GNPTAB: variants seen among roughly 807,000 people sequenced by gnomAD.
The protein encoded by GNPTAB is N-acetylglucosamine-1-phosphate transferase subunits alpha and beta, also known as N-acetylglucosamine-1-phosphotransferase subunits alpha/beta.
GNPTAB carries 92 observed loss-of-function variants against 136.6 expected under a neutral mutation model. The observed-to-expected ratio is 0.67, with a 90% CI of 0.57 to 0.80. The LOEUF (loss-of-function observed/expected upper bound fraction) is 0.80, where lower values mean the gene tolerates loss of function less well. GNPTAB is among the 30% of genes least tolerant of loss of function. The pLI, the probability that GNPTAB is intolerant of heterozygous loss-of-function variation, is 0.00. For synonymous variants in GNPTAB, 512 were observed against 535.1 expected, an observed-to-expected ratio of 0.96 and a Z score of 0.60; for missense variants, 1,343 against 1,501.8, an observed-to-expected ratio of 0.89 and a Z score of 1.75.
intron 1 of GNPTAB, among the ~76,000 whole-genome samples, chr12:101,826,950 G>GTTTTTTTTT (rs902178707): frequency 1.6e-5 from 1 of 62,348 alleles, no homozygotes; most frequent in African/African-American, 7.0e-5. Context: ...TGTGGGAGTT[G>GTTTTTTTTT]TTTTTTTTTT....
rs970320223 is a variant in GNPTAB at position 101,830,416 on chromosome 12, G to A, written c.117+143C>T. 18 of 634,848 alleles carry A rather than the reference G, an allele frequency of 2.8e-5. No individual in the cohort carries two copies. The Admixed American group carries it at 3.5e-4, about 12-fold the overall frequency. 39.3% of individuals were successfully genotyped at this position (634,848 alleles called of 1,614,324 possible). A position where few individuals can be genotyped will look rare whatever the true frequency, so the allele number is the denominator to read the frequency against. On this transcript the variant is annotated intron_variant, in intron 1 of 20. Transcript: ENST00000299314. ...GAGACAGGGCGATCGCCTGAGCTCA[G>A]GAGTTCGAGACCAGCCTGGGCAACA...
intron 10 of GNPTAB, 94 bp downstream of exon 10, chr12:101,769,927 G>T: frequency 1.6e-6 from 2 of 1,221,116 alleles, no homozygotes; most frequent in Non-Finnish European, 2.4e-6. Flanking sequence ...CACCATGTCT[G>T]GCCTGATATT....
chr12:101,783,479 G>A (rs533258913), intron 5 of GNPTAB, among the ~76,000 whole-genome samples: 64 of 152,216 alleles, frequency 4.2e-4, no homozygotes, highest in Non-Finnish European at 6.5e-4. Context: ...AGCAGTTTGT[G>A]GTTCCTTTTA....
At chr12:101,819,075 G>A (rs556309063) in intron 1 of GNPTAB, among the ~76,000 whole-genome samples, 15 of 151,428 alleles carry the variant, frequency 9.9e-5, no homozygotes, top group South Asian at 4.2e-4. Flanking sequence ...GCAATGACAC[G>A]ATCTTGGCTT....
intron 1 of GNPTAB, among the ~76,000 whole-genome samples, chr12:101,806,176 T>TA (rs915175727): frequency 3.3e-5 from 5 of 152,038 alleles, no homozygotes; most frequent in African/African-American, 7.2e-5. Context: ...AAACATTATA[T>TA]AAAAAAAGCA....
rs561302625 is a variant in GNPTAB, at chr12:101,807,327, T to C, written c.118-10565A>G. ...AAACAGTTTCACCTAATATCATACT[T>C]AGTGATGAGAAACTACATGCTTTCC... On this transcript the variant is annotated intron_variant, in intron 1 of 20. Transcript: ENST00000299314. Among the ~76,000 whole-genome samples the C allele has an allele frequency of 1.5e-4, 23 of 152,332 alleles. No homozygotes were observed. The South Asian group carries it at 4.6e-3, about 30-fold the overall frequency.
intron 1 of GNPTAB, among the ~76,000 whole-genome samples, chr12:101,821,884 C>T (rs148901808): frequency 3.7e-4 from 56 of 152,246 alleles, no homozygotes; most frequent in Middle Eastern, 3.4e-3. Flanking sequence ...GAGCAAAGGA[C>T]GTGGGCCACA....
chr12:101,805,131 T>C (rs1405875385), intron 1 of GNPTAB, among the ~76,000 whole-genome samples: 1 of 152,164 alleles, frequency 6.6e-6, no homozygotes, highest in Non-Finnish European at 1.5e-5. Flanking sequence ...GTATATACTT[T>C]TAGTATAATT....
chr12:101,808,913 A>C (rs1870081544), intron 1 of GNPTAB, among the ~76,000 whole-genome samples: 1 of 152,236 alleles, frequency 6.6e-6, no homozygotes, highest in Non-Finnish European at 1.5e-5. Context: ...GCATCATTGC[A>C]CTTCAGCCTG....
chr12:101,796,563 T>C (rs1301534391), intron 2 of GNPTAB, 114 bp downstream of exon 2: 3 of 763,256 alleles, frequency 3.9e-6, no homozygotes, highest in Non-Finnish European at 7.0e-6. Context: ...CCTGAGTAAA[T>C]TAAACCATAT....
chr12:101,756,517 T>C, intron 18 of GNPTAB: 1 of 382,800 alleles, frequency 2.6e-6, no homozygotes, highest in Non-Finnish European at 5.1e-6. Flanking sequence ...GAGGCTACAG[T>C]GAGCCATGTT....
Position 101,780,238 on chromosome 12 carries a change from A to AAGC in GNPTAB, c.682_684dup (p.Ala228dup). 6.2e-7 allele frequency: 1 copy of AAGC among 1,613,780 alleles called. No individual in the cohort carries two copies. The highest frequency in any genetic ancestry group is 1.1e-5 in the South Asian group (1 of 91,076). On this transcript the variant is annotated inframe_insertion, in exon 7 of 21. Transcript: ENST00000299314. ...AATGTTGGTGGAAATCCACTCAGGA[A>AAGC]AGCCAAATCTTGCATTAGCACTAAT...
chr12:101,786,046 A>G lies in GNPTAB; in HGVS notation c.537T>C (p.Asn179=), dbSNP rs1176870866. 6.2e-7 allele frequency: 1 copy of G among 1,613,968 alleles called. No individual in the cohort carries two copies. The highest frequency in any genetic ancestry group is 1.3e-5 in the African/African-American group (1 of 75,060). The change falls in exon 5 of 21, where the codon AAT becomes AAC. Residue 179 remains asparagine (N), a synonymous_variant. Transcript: ENST00000299314. The part of the protein sequence containing the change: ...NVAKPKNPST[N]VSVVVFDSTK... ...TACTGTCAAAAACAACAACTGAGAC[A>G]TTGGTAGAAGGGTTTTTTGGTTTTG...
intron 2 of GNPTAB, among the ~76,000 whole-genome samples, chr12:101,791,864 C>A (rs4764652): frequency 0.62 from 94,170 of 152,118 alleles, 30,732 homozygotes; most frequent in East Asian, 0.92. Context: ...GGATGAGTTT[C>A]TCCATTCACT....
intron 1 of GNPTAB, among the ~76,000 whole-genome samples, chr12:101,826,697 T>C (rs1177703061): frequency 1.3e-5 from 2 of 152,092 alleles, no homozygotes; most frequent in African/African-American, 4.8e-5. Flanking sequence ...GATTAAATAA[T>C]GATGGCCCTG....
intron 1 of GNPTAB, among the ~76,000 whole-genome samples, chr12:101,820,606 A>C (rs2137185396): frequency 6.6e-6 from 1 of 152,266 alleles, no homozygotes; most frequent in South Asian, 2.1e-4. Flanking sequence ...CATCAACCCC[A>C]TGCCATGCCC....
At chr12:101,814,829 A>T (rs1295969521) in intron 1 of GNPTAB, among the ~76,000 whole-genome samples, 1 of 152,220 alleles carries the variant, frequency 6.6e-6, no homozygotes, top group Admixed American at 6.5e-5. Context: ...AAATCTCTTT[A>T]ATGTCTATTT....
chr12:101,797,763 T>A (rs1183813962), intron 1 of GNPTAB, among the ~76,000 whole-genome samples: 1 of 152,216 alleles, frequency 6.6e-6, no homozygotes, highest in Non-Finnish European at 1.5e-5. Context: ...AGTTCCCTCA[T>A]GTTTGCACCC....
chr12:101,756,421 C>A (rs1952900600), intron 18 of GNPTAB: 2 of 337,956 alleles, frequency 5.9e-6, no homozygotes, highest in South Asian at 2.2e-5. Context: ...TAAAAATACT[C>A]CATTTTAGCT....
Sources: gnomAD v4.1 joint callset for allele counts (sites outside exome capture counted in the v4.1 genomes callset) on GRCh38, gnomAD v4.1.1 for gene constraint, MANE v1.5 for transcripts, NCBI Gene and HGNC (gene_info 2026-07-23, HGNC 2026-07-21) for gene names.